BMPER: variants seen among roughly 807,000 people sequenced by gnomAD.
BMPER encodes the protein BMP binding endothelial regulator.
Under a neutral mutation model 87.3 loss-of-function variants are expected in BMPER, and 45 were observed. The ratio of observed to expected loss-of-function variants is 0.52; its 90% confidence interval spans 0.41 to 0.66. BMPER has a LOEUF of 0.66. BMPER is among the 30% of genes least tolerant of loss of function. The pLI is 0.00. For synonymous variants in BMPER, 326 were observed against 316.2 expected, an observed-to-expected ratio of 1.03 and a Z score of -0.33; for missense variants, 784 against 867.5, an observed-to-expected ratio of 0.90 and a Z score of 1.21.
rs1002115713 is a variant in BMPER, at chr7:33,970,437, G to C, written c.493+18G>C. 1 of 1,609,422 alleles carries C rather than the reference G, an allele frequency of 6.2e-7. No homozygotes were observed. The highest frequency in any genetic ancestry group is 8.5e-7 in the Non-Finnish European group (1 of 1,175,754). On this transcript the variant is annotated intron_variant, in intron 5 of 14. Coordinates refer to ENST00000649409, the MANE Select transcript of BMPER (RefSeq NM_001365308.1). ...ATGTCCAGGTAACGTTCTCAGGAAG[G>C]GGAGGCTGGAAATCTCTGTGTGTTC...
rs1177979398 is a variant in BMPER, at chr7:33,937,425, T to A, written c.319+37T>A. 15 of 1,590,674 alleles carry A rather than the reference T, an allele frequency of 9.4e-6. No individual in the cohort carries two copies. The Admixed American group carries it at 2.3e-4, about 25-fold the overall frequency. The stretch of plus-strand genomic sequence containing the variant: ...CTTGGCCGTCTTCTCTTCTGGCTGC[T>A]GCTTCAGGCATTTTTATTTCTCTTT... On this transcript the variant is annotated intron_variant, in intron 3 of 14. Coordinates refer to ENST00000649409, the MANE Select transcript of BMPER (RefSeq NM_001365308.1).
chr7:34,043,208 C>G (rs1430737210), intron 6 of BMPER, among the ~76,000 whole-genome samples: 1 of 152,170 alleles, frequency 6.6e-6, no homozygotes, highest in African/African-American at 2.4e-5. Flanking sequence ...ACCGATGCAT[C>G]TGAATAATGT....
rs1206965870 is a variant in BMPER, at chr7:34,156,078, T to C, written c.*2805T>C. 6.6e-6 allele frequency among the ~76,000 whole-genome samples: 1 copy of C among 152,212 alleles called. No individual in the cohort carries two copies. The highest frequency in any genetic ancestry group is 1.5e-5 in the Non-Finnish European group (1 of 68,038). On this transcript the variant is annotated 3_prime_UTR_variant, in exon 15 of 15. Transcript: ENST00000649409. ...AGAGCAATTTTTGTTAAAACTGTGG[T>C]ACACTAAGAATCACTAACTCTTCAG...
intron 2 of BMPER, among the ~76,000 whole-genome samples, chr7:33,936,875 G>A (rs1487697105): frequency 1.3e-5 from 2 of 152,154 alleles, no homozygotes; most frequent in Admixed American, 6.5e-5. Context: ...ATTGTTGGAC[G>A]GCCATGTGAA....
At position 33,966,509 on chromosome 7, in the gene BMPER, G is replaced by A. The variant is rs763479289; in HGVS notation, c.350G>A (p.Ser117Asn). ...GCTYEGNTYN[S>N]SFKWQSPAEP... Reference sequence around the variant, plus strand: ...ACCTATGAAGGAAATACCTATAACAGCTCCTTCAAATGGCAGAGCCCGGCT... The same window carrying A: ...ACCTATGAAGGAAATACCTATAACAACTCCTTCAAATGGCAGAGCCCGGCT... Residue 117 changes from serine (S) to asparagine (N), a missense_variant, in exon 4 of 15, where the codon AGC becomes AAC. Coordinates refer to ENST00000649409, the MANE Select transcript of BMPER (RefSeq NM_001365308.1). 6.2e-7 allele frequency: 1 copy of A among 1,613,786 alleles called. No individual in the cohort carries two copies. The highest frequency in any genetic ancestry group is 2.2e-5 in the East Asian group (1 of 44,870).
At chr7:33,906,451 T>G (rs1170840306) in intron 1 of BMPER, among the ~76,000 whole-genome samples, 1 of 132,254 alleles carries the variant, frequency 7.6e-6, no homozygotes, top group Non-Finnish European at 1.6e-5. Flanking sequence ...TTTGAGGGTT[T>G]TTTTAAATTT....
intron 13 of BMPER, among the ~76,000 whole-genome samples, chr7:34,138,071 G>T (rs555922294): frequency 1.3e-5 from 2 of 152,318 alleles, no homozygotes; most frequent in East Asian, 3.9e-4. Flanking sequence ...GGCACCTGCT[G>T]CCATTGAACA....
chr7:33,941,230 A>G (rs1784758070), intron 3 of BMPER, among the ~76,000 whole-genome samples: 1 of 143,410 alleles, frequency 7.0e-6, no homozygotes, highest in Non-Finnish European at 1.5e-5. Flanking sequence ...ATATAAATAT[A>G]TATTTATATT....
At chr7:34,080,917 A>C (rs1789026499) in intron 12 of BMPER, among the ~76,000 whole-genome samples, 1 of 152,216 alleles carries the variant, frequency 6.6e-6, no homozygotes, top group Non-Finnish European at 1.5e-5. Flanking sequence ...TGAGGCTAAG[A>C]GAATAATAAT....
chr7:34,103,635 G>T (rs1353708788), intron 13 of BMPER, among the ~76,000 whole-genome samples: 1 of 152,122 alleles, frequency 6.6e-6, no homozygotes, highest in African/African-American at 2.4e-5. Flanking sequence ...ATTGAATTTT[G>T]CCTGGGAAGA....
At chr7:34,046,101 C>T (rs910960858) in intron 6 of BMPER, among the ~76,000 whole-genome samples, 1 of 152,022 alleles carries the variant, frequency 6.6e-6, no homozygotes, top group Non-Finnish European at 1.5e-5. Flanking sequence ...GAATCACCTC[C>T]TCAAAGGCAG....
At chr7:33,996,859 C>A (rs1255602645) in intron 6 of BMPER, among the ~76,000 whole-genome samples, 1 of 152,176 alleles carries the variant, frequency 6.6e-6, no homozygotes, top group South Asian at 2.1e-4. Context: ...ATCTTACATT[C>A]TCTTTATTTT....
intron 2 of BMPER, among the ~76,000 whole-genome samples, chr7:33,927,533 T>G (rs895866106): frequency 2.0e-5 from 3 of 152,234 alleles, no homozygotes; most frequent in African/African-American, 7.2e-5. Context: ...ATCTTTCTTT[T>G]GATACCAGAC....
rs1481965689 is a variant in BMPER, at chr7:34,031,100, A to G, written c.577-15206A>G. Among the ~76,000 whole-genome samples, 5 of 152,116 alleles carry G rather than the reference A, an allele frequency of 3.3e-5. No individual in the cohort carries two copies. In the East Asian group the frequency reaches 5.8e-4, roughly 18 times the overall value. On this transcript the variant is annotated intron_variant, in intron 6 of 14. Transcript: ENST00000649409. The stretch of plus-strand genomic sequence containing the variant: ...GAAGAATTCTGTGTGCAAAAGTCAC[A>G]GTTATCTATTTCATCCTTCCTTCTA...
chr7:34,016,389 G>A, intron 6 of BMPER, among the ~76,000 whole-genome samples: 1 of 151,902 alleles, frequency 6.6e-6, no homozygotes, highest in East Asian at 1.9e-4. Flanking sequence ...CCTGTGTAAT[G>A]CAAGGCCTGA....
chr7:34,142,090 GAGGA>G (rs1790889267), intron 13 of BMPER, among the ~76,000 whole-genome samples: 1 of 152,162 alleles, frequency 6.6e-6, no homozygotes, highest in Non-Finnish European at 1.5e-5. Flanking sequence ...TAGCTTCTGT[GAGGA>G]AGGGAGTTTG....
At chr7:34,038,983 A>G (rs1787761112) in intron 6 of BMPER, among the ~76,000 whole-genome samples, 2 of 152,220 alleles carry the variant, frequency 1.3e-5, no homozygotes, top group African/African-American at 4.8e-5. Context: ...CTACCCTGTC[A>G]GCTCTGATCA....
intron 3 of BMPER, among the ~76,000 whole-genome samples, chr7:33,963,670 T>A (rs1409796249): frequency 6.6e-6 from 1 of 152,148 alleles, no homozygotes; most frequent in Non-Finnish European, 1.5e-5. Context: ...GGCAGGTGCC[T>A]GTAATCCCAC....
chr7:33,980,795 A>G (rs1785835582), intron 6 of BMPER, among the ~76,000 whole-genome samples: 1 of 152,208 alleles, frequency 6.6e-6, no homozygotes, highest in African/African-American at 2.4e-5. Flanking sequence ...ATTTTTACCA[A>G]TAAACATGGG....
Sources: gnomAD v4.1 joint callset for allele counts (sites outside exome capture counted in the v4.1 genomes callset) on GRCh38, gnomAD v4.1.1 for gene constraint, MANE v1.5 for transcripts, NCBI Gene and HGNC (gene_info 2026-07-23, HGNC 2026-07-21) for gene names.